TNS3: variants seen among roughly 807,000 people sequenced by gnomAD.
TNS3 encodes the protein tensin-3.
A neutral mutation model predicts 140.9 loss-of-function variants in TNS3; 45 were observed. The ratio of observed to expected loss-of-function variants is 0.32; its 90% confidence interval spans 0.25 to 0.41. TNS3 has a LOEUF of 0.41. Ranked by LOEUF, TNS3 falls within the 10% of genes least tolerant of loss-of-function variation. TNS3 has a pLI of 1.00. For missense variants in TNS3, 1,716 were observed against 1,906.7 expected, an observed-to-expected ratio of 0.90 and a Z score of 1.86; for synonymous variants, 815 against 788.4, an observed-to-expected ratio of 1.03 and a Z score of -0.56.
At chr7:47,501,698 G>A (rs932624122) in intron 3 of TNS3, among the ~76,000 whole-genome samples, 9 of 152,076 alleles carry the variant, frequency 5.9e-5, no homozygotes, top group African/African-American at 1.9e-4. Context: ...TGCGACAGCC[G>A]AGGCCCCTGC....
intron 1 of TNS3, among the ~76,000 whole-genome samples, chr7:47,548,411 A>C (rs1333106397): frequency 6.6e-6 from 1 of 152,104 alleles, no homozygotes; most frequent in Non-Finnish European, 1.5e-5. Context: ...CCCAAGGTTC[A>C]TGGGCTCCAG....
chr7:47,388,384 TC>T (rs1792195966), intron 16 of TNS3, among the ~76,000 whole-genome samples: 1 of 152,086 alleles, frequency 6.6e-6, no homozygotes, highest in Non-Finnish European at 1.5e-5. Flanking sequence ...AAGGTTGTAG[TC>T]CCCATAGGTG....
chr7:47,328,779 T>G (rs893088500), intron 20 of TNS3, among the ~76,000 whole-genome samples: 6 of 152,188 alleles, frequency 3.9e-5, no homozygotes, highest in Non-Finnish European at 8.8e-5. Context: ...GTCACTGCAC[T>G]GCTCAAACCC....
At chr7:47,565,139 G>A (rs567645056) in intron 1 of TNS3, among the ~76,000 whole-genome samples, 10 of 151,102 alleles carry the variant, frequency 6.6e-5, no homozygotes, top group Admixed American at 1.3e-4. Flanking sequence ...GTGCAGTGGC[G>A]CGATCTCAGC....
chr7:47,396,933 T>A (rs774437491), intron 15 of TNS3, 29 bp from the exon 16 acceptor site: 13 of 1,562,506 alleles, frequency 8.3e-6, no homozygotes, highest in Middle Eastern at 3.4e-4. Context: ...GCAACATTAG[T>A]CCCAGTGAAA....
chr7:47,441,922 G>T (rs1795484417), intron 5 of TNS3, 81 bp downstream of exon 5: 3 of 1,004,874 alleles, frequency 3.0e-6, no homozygotes, highest in Non-Finnish European at 4.1e-6. Flanking sequence ...AGAAGAAAAT[G>T]ATGCCATGCC....
intron 1 of TNS3, among the ~76,000 whole-genome samples, chr7:47,573,607 G>A (rs1457459481): frequency 1.3e-5 from 2 of 152,052 alleles, no homozygotes; most frequent in Non-Finnish European, 2.9e-5. Flanking sequence ...CTGCAAAGTC[G>A]CCCAGGATTT....
intron 2 of TNS3, among the ~76,000 whole-genome samples, chr7:47,509,439 G>T (rs1010521309): frequency 6.6e-6 from 1 of 152,056 alleles, no homozygotes; most frequent in African/African-American, 2.4e-5. Flanking sequence ...GGTCAGCACC[G>T]CACCAGGCAG....
intron 8 of TNS3, among the ~76,000 whole-genome samples, chr7:47,431,015 G>A (rs746798995): frequency 2.6e-5 from 4 of 152,044 alleles, no homozygotes; most frequent in African/African-American, 4.8e-5. Context: ...GAGCCACCGC[G>A]CCTGGCCTCA....
intron 4 of TNS3, among the ~76,000 whole-genome samples, chr7:47,464,877 T>A (rs1467468124): frequency 1.3e-5 from 2 of 152,182 alleles, no homozygotes; most frequent in Non-Finnish European, 2.9e-5. Context: ...GCACCAATGA[T>A]GGGGAGCTCA....
intron 2 of TNS3, among the ~76,000 whole-genome samples, chr7:47,511,078 T>C (rs2151893998): frequency 6.6e-6 from 1 of 152,342 alleles, no homozygotes; most frequent in Non-Finnish European, 1.5e-5. Flanking sequence ...AAAGATGCAC[T>C]TGGTGTGCAA....
chr7:47,513,424 G>T (rs547053321), intron 2 of TNS3, among the ~76,000 whole-genome samples: 1 of 152,164 alleles, frequency 6.6e-6, no homozygotes, highest in South Asian at 2.1e-4. Context: ...CCGCCTCGGC[G>T]TCCCAAAATG....
intron 20 of TNS3, among the ~76,000 whole-genome samples, chr7:47,336,279 G>A (rs141605183): frequency 6.6e-6 from 1 of 151,662 alleles, no homozygotes; most frequent in African/African-American, 2.4e-5. Context: ...CATAACGTTT[G>A]CTAAATCCTG....
At chr7:47,320,545 G>A (rs1262025082) in intron 20 of TNS3, among the ~76,000 whole-genome samples, 1 of 152,184 alleles carries the variant, frequency 6.6e-6, no homozygotes, top group African/African-American at 2.4e-5. Flanking sequence ...TTTCTCCCGA[G>A]GCTTCTCTCT....
At chr7:47,471,354 C>A (rs1007323695) in intron 4 of TNS3, among the ~76,000 whole-genome samples, 1 of 152,170 alleles carries the variant, frequency 6.6e-6, no homozygotes, top group African/African-American at 2.4e-5. Context: ...TCCTGGTAAC[C>A]ATCTCACCGT....
chr7:47,461,646 G>A (rs1373360262), intron 4 of TNS3, among the ~76,000 whole-genome samples: 1 of 152,258 alleles, frequency 6.6e-6, no homozygotes, highest in African/African-American at 2.4e-5. Flanking sequence ...TGTTTCTTCT[G>A]TCAATTCAAA....
chr7:47,548,410 C>A (rs1003252365), intron 1 of TNS3, among the ~76,000 whole-genome samples: 17 of 152,182 alleles, frequency 1.1e-4, no homozygotes, highest in Non-Finnish European at 2.1e-4. Flanking sequence ...CCCCAAGGTT[C>A]ATGGGCTCCA....
intron 3 of TNS3, among the ~76,000 whole-genome samples, chr7:47,484,226 C>G (rs1373716063): frequency 6.6e-6 from 1 of 152,176 alleles, no homozygotes; most frequent in Non-Finnish European, 1.5e-5. Flanking sequence ...AATAAAAATG[C>G]ACATGGAGCA....
chr7:47,346,037 A>T, intron 18 of TNS3, 150 bp downstream of exon 18: 2 of 1,080,242 alleles, frequency 1.9e-6, no homozygotes, highest in Non-Finnish European at 2.6e-6. Flanking sequence ...CCACGACCAT[A>T]TTTGTGAAAC....
Sources: allele counts gnomAD v4.1 joint callset (sites outside exome capture counted in the v4.1 genomes callset), GRCh38; gene constraint gnomAD v4.1.1; transcripts MANE v1.5; gene names NCBI Gene and HGNC (gene_info 2026-07-23, HGNC 2026-07-21).